Variants in GRIP1 observed in about 807,000 individuals in gnomAD.
GRIP1 encodes the protein glutamate receptor interacting protein 1, also known as glutamate receptor-interacting protein 1.
Under a neutral mutation model 129.9 loss-of-function variants are expected in GRIP1, and 45 were observed. That is an observed-to-expected ratio of 0.35 (90% CI 0.27 to 0.44). The LOEUF is 0.44. Among genes scored for constraint, GRIP1 ranks in the 20% least tolerant of loss-of-function variants. The probability of loss-of-function intolerance (pLI) is 1.00; values close to 1 mark genes in which losing one functional copy is unlikely to be tolerated. For missense variants in GRIP1, 1,196 were observed against 1,396.8 expected (o/e 0.86, Z 2.29); for synonymous variants, 530 against 520.8 (o/e 1.02, Z -0.24).
rs890193052 is a variant in GRIP1 at position 66,357,884 on chromosome 12, T to C, written c.3013-4321A>G. Among the ~76,000 whole-genome samples, 4 of 152,198 alleles carry C rather than the reference T, an allele frequency of 2.6e-5. No individual in the cohort carries two copies. In the East Asian group the frequency reaches 7.7e-4, roughly 29 times the overall value. ...CAATATGAACCTATAAATTTTGATA[T>C]ATTCAATGCATTTTTTGTTTGTGTT... On this transcript the variant is annotated intron_variant, in intron 23 of 24. Transcript: ENST00000359742.
chr12:66,657,802 G>A (rs1412108472), intron 1 of GRIP1, among the ~76,000 whole-genome samples: 2 of 152,116 alleles, frequency 1.3e-5, no homozygotes, highest in Non-Finnish European at 2.9e-5. Flanking sequence ...TTCCTAGATG[G>A]ATAAGAGAAA....
intron 8 of GRIP1, among the ~76,000 whole-genome samples, chr12:66,463,572 C>T (rs1056527950): frequency 4.6e-5 from 7 of 152,168 alleles, no homozygotes; most frequent in African/African-American, 7.2e-5. Context: ...TTCAGTAATA[C>T]TTCCTTGGAA....
chr12:66,491,916 C>T (rs1327090765), intron 7 of GRIP1, among the ~76,000 whole-genome samples: 1 of 152,146 alleles, frequency 6.6e-6, no homozygotes, highest in Non-Finnish European at 1.5e-5. Flanking sequence ...GATTCCTCCT[C>T]AATCTAAAAA....
upstream of GRIP1, among the ~76,000 whole-genome samples, chr12:66,809,130 A>G (rs7961252): frequency 0.97 from 147,075 of 152,318 alleles, 71,235 homozygotes; most frequent in East Asian, 1. Flanking sequence ...TTTTTCAAGT[A>G]CTAATTATTT....
At chr12:66,596,050 A>G (rs2064036408) in intron 2 of GRIP1, among the ~76,000 whole-genome samples, 1 of 152,204 alleles carries the variant, frequency 6.6e-6, no homozygotes, top group Admixed American at 6.5e-5. Flanking sequence ...GCTGTACTCA[A>G]TTTGCTTGTA....
rs910458680 is a variant in GRIP1 at position 66,540,456 on chromosome 12, C to A, written c.273-1233G>T. The stretch of plus-strand genomic sequence containing the variant: ...AAGAAGCTCTGGAGACTTATGAACC[C>A]CTAGCATCATGAACTGGCCATGATT... On this transcript the variant is annotated intron_variant, in intron 3 of 24. Coordinates refer to ENST00000359742, the MANE Select transcript of GRIP1 (RefSeq NM_001366722.1). Among the ~76,000 whole-genome samples, 7 of 152,050 alleles carry A rather than the reference C, an allele frequency of 4.6e-5. No individual in the cohort carries two copies. The South Asian group carries it at 1.2e-3, about 27-fold the overall frequency.
At chr12:66,422,486 A>G (rs1452416320) in intron 14 of GRIP1, among the ~76,000 whole-genome samples, 1 of 152,222 alleles carries the variant, frequency 6.6e-6, no homozygotes, top group Non-Finnish European at 1.5e-5. Flanking sequence ...TATTACCAGC[A>G]AGTACAGCTT....
intron 1 of GRIP1, among the ~76,000 whole-genome samples, chr12:66,672,539 A>T (rs1350172487): frequency 1.3e-5 from 2 of 152,056 alleles, no homozygotes; most frequent in Admixed American, 6.6e-5. Context: ...TATTTTAAAA[A>T]TCTGCAAATA....
chr12:66,521,413 T>A (rs1440354493), intron 5 of GRIP1, among the ~76,000 whole-genome samples: 1 of 152,248 alleles, frequency 6.6e-6, no homozygotes, highest in African/African-American at 2.4e-5. Context: ...TGTTTAATTT[T>A]AATTAATGTT....
chr12:66,577,489 C>T (rs748402291), intron 2 of GRIP1, among the ~76,000 whole-genome samples: 8 of 152,026 alleles, frequency 5.3e-5, no homozygotes, highest in East Asian at 3.9e-4. Context: ...AAGAGCACTC[C>T]GAGTTCCACT....
At chr12:66,730,701 C>CAA (rs3051132) in intron 1 of GRIP1, among the ~76,000 whole-genome samples, 1,053 of 71,098 alleles carry the variant, frequency 0.015, 29 homozygotes, top group African/African-American at 0.054. Context: ...GGGTCATCTA[C>CAA]AAAAAAAAAA....
At chr12:66,784,599 T>C (rs1312995120) in intron 1 of GRIP1, among the ~76,000 whole-genome samples, 1 of 152,130 alleles carries the variant, frequency 6.6e-6, no homozygotes, top group Admixed American at 6.6e-5. Context: ...ACCTAATCTA[T>C]TTGCTATCCT....
intron 7 of GRIP1, among the ~76,000 whole-genome samples, chr12:66,474,765 G>A (rs183303604): frequency 0.055 from 8,442 of 152,256 alleles, 350 homozygotes; most frequent in Middle Eastern, 0.12. Context: ...ATACTTTACA[G>A]ACAAGCAAAT....
At chr12:66,654,343 T>C (rs1346133946) in intron 1 of GRIP1, among the ~76,000 whole-genome samples, 2 of 151,976 alleles carry the variant, frequency 1.3e-5, no homozygotes, top group Non-Finnish European at 2.9e-5. Flanking sequence ...AAAAACATGA[T>C]AAGGAAAACA....
intron 1 of GRIP1, among the ~76,000 whole-genome samples, chr12:66,905,995 CA>C (rs1253415676): frequency 1.3e-5 from 2 of 150,054 alleles, no homozygotes; most frequent in Admixed American, 6.6e-5. Flanking sequence ...ATGTGTAAAA[CA>C]AAAAAAAGGA....
chr12:66,866,751 T>C (rs1312933426), intron 1 of GRIP1, among the ~76,000 whole-genome samples: 1 of 151,864 alleles, frequency 6.6e-6, no homozygotes, highest in Non-Finnish European at 1.5e-5. Context: ...ACCTACTATA[T>C]AGCCACAAAA....
rs116867695 is a variant in GRIP1, at chr12:66,785,688, G to A, written c.-420+18365C>T. Among the ~76,000 whole-genome samples the A allele has an allele frequency of 1.2e-3, 181 of 151,798 alleles. No individual in the cohort carries two copies. In the East Asian group the frequency reaches 0.032, roughly 27 times the overall value. On this transcript the variant is annotated intron_variant, in intron 1 of 4. Transcript: ENST00000538373. ...ATTCCATCATTTAGAGATTCATTTG[G>A]GTTAATAAGCAAAAACAAATAAAAT...
At chr12:66,724,381 G>A (rs11176401) in intron 1 of GRIP1, among the ~76,000 whole-genome samples, 6,732 of 152,244 alleles carry the variant, frequency 0.044, 249 homozygotes, top group East Asian at 0.19. Flanking sequence ...GTGCTGAGCT[G>A]CACTGAGCAT....
Position 66,420,762 on chromosome 12 carries a change from G to A in GRIP1, c.1796C>T (p.Pro599Leu). 6.3e-7 allele frequency: 1 copy of A among 1,588,472 alleles called. No individual in the cohort carries two copies. The highest frequency in any genetic ancestry group is 2.2e-5 in the East Asian group (1 of 44,728). ...TTTCTTGATATCTGAAATGACGAGG[G>A]GGTCTCCTGGTTTTCTACTGGATGG... Reference protein sequence around the residue: ...SSPSSRKPGDPLVISDIKKGS... With the variant: ...SSPSSRKPGDLLVISDIKKGS... Residue 599 changes from proline (P) to leucine (L), a missense_variant, in exon 15 of 25, where the codon CCC becomes CTC. By Grantham distance (98) the Pro-to-Leu change is moderately conservative. Coordinates refer to ENST00000359742, the MANE Select transcript of GRIP1 (RefSeq NM_001366722.1).
Sources: allele counts gnomAD v4.1 joint callset (sites outside exome capture counted in the v4.1 genomes callset), GRCh38; gene constraint gnomAD v4.1.1; transcripts MANE v1.5; gene names NCBI Gene and HGNC (gene_info 2026-07-23, HGNC 2026-07-21).